The following MAN1C1 variants were observed in gnomAD, a reference collection of about 807,000 sequenced individuals.
The protein encoded by MAN1C1 is mannosyl-oligosaccharide 1,2-alpha-mannosidase IC.
MAN1C1 carries 49 observed loss-of-function variants against 71.5 expected under a neutral mutation model. That is an observed-to-expected ratio of 0.69 (90% confidence interval 0.54 to 0.87). The LOEUF is 0.87. Among genes scored for constraint, MAN1C1 ranks in the 40% least tolerant of loss-of-function variants. MAN1C1 has a pLI of 0.00. For missense variants in MAN1C1, 743 were observed against 835.0 expected (o/e 0.89, Z 1.36); for synonymous variants, 352 against 343.7 (o/e 1.02, Z -0.27).
chr1:25,692,924 T>C (rs747086260), intron 2 of MAN1C1, among the ~76,000 whole-genome samples: 17 of 152,154 alleles, frequency 1.1e-4, no homozygotes, highest in African/African-American at 3.4e-4. Flanking sequence ...TCTTCCACCA[T>C]AGGAACATCT....
intron 2 of MAN1C1, among the ~76,000 whole-genome samples, chr1:25,734,636 A>G (rs966324829): frequency 6.6e-6 from 1 of 152,142 alleles, no homozygotes; most frequent in African/African-American, 2.4e-5. Context: ...CACACCACAG[A>G]GGAATTGCCT....
intron 1 of MAN1C1, among the ~76,000 whole-genome samples, chr1:25,674,971 A>G (rs980893754): frequency 6.6e-6 from 1 of 152,176 alleles, no homozygotes; most frequent in Non-Finnish European, 1.5e-5. Context: ...GGTTTGGATT[A>G]GGGTGGTGCT....
chr1:25,677,296 T>G (rs996133973), intron 1 of MAN1C1, among the ~76,000 whole-genome samples: 1 of 152,074 alleles, frequency 6.6e-6, no homozygotes, highest in African/African-American at 2.4e-5. Context: ...AAGACTTGAG[T>G]GAAGGGAAGG....
chr1:25,622,242 A>G (rs2045226404), intron 1 of MAN1C1, among the ~76,000 whole-genome samples: 1 of 152,208 alleles, frequency 6.6e-6, no homozygotes, highest in Admixed American at 6.5e-5. Context: ...AAGCTGGGTC[A>G]AGTCCTAGCT....
chr1:25,633,713 C>T (rs923001743), intron 1 of MAN1C1, among the ~76,000 whole-genome samples: 13 of 152,094 alleles, frequency 8.5e-5, no homozygotes, highest in South Asian at 2.1e-4. Flanking sequence ...ATATTTGGTT[C>T]GTATTCTGCC....
In MAN1C1 at chr1:25,617,102, G is replaced by T. The variant is rs912593378; in HGVS notation, c.-696G>T. Among the ~76,000 whole-genome samples, 1 of 151,924 alleles carries T rather than the reference G, an allele frequency of 6.6e-6. No individual in the cohort carries two copies. The highest frequency in any genetic ancestry group is 6.5e-5 in the Admixed American group (1 of 15,274). On this transcript the variant is annotated 5_prime_UTR_variant, in exon 1 of 12. Transcript: ENST00000374332. This position sits in a 1 kb window ranked among gnomAD's most constrained non-coding sequence, Gnocchi z 5.1. ...GCATCCCTGCGCTGTCTGGGGCCCGGGGGAAGCCCCCTGCCCCCGCAGGCT... is the reference window on the plus strand; with the variant it reads ...GCATCCCTGCGCTGTCTGGGGCCCGTGGGAAGCCCCCTGCCCCCGCAGGCT...
Position 25,746,798 on chromosome 1 carries a change from CT to C in MAN1C1, c.753+16del. ...ACCTGAACGTGGTGAGTCAGAGGCC[CT>C]CGGCGGGGGAGGGGGGCGGGGGCCA... is the stretch of plus-strand genomic sequence containing the variant. On this transcript the variant is annotated intron_variant, in intron 3 of 11. Transcript: ENST00000374332. The surrounding 1 kb of genome is among the most constrained non-coding windows in gnomAD (Gnocchi z 4.0). The C allele has an allele frequency of 1.4e-6, 2 of 1,397,180 alleles. No homozygotes were observed. The highest frequency in any genetic ancestry group is 1.5e-5 in the African/African-American group (1 of 67,688). 86.5% of individuals were successfully genotyped at this position (1,397,180 alleles called of 1,614,324 possible).
At chr1:25,759,847 AAGG>A (rs1222454591) in intron 6 of MAN1C1, 1 of 150,972 alleles carries the variant, frequency 6.6e-6, no homozygotes, top group African/African-American at 2.5e-5. Context: ...TTTCTCTGAC[AAGG>A]AGCTCACTGC....
intron 1 of MAN1C1, among the ~76,000 whole-genome samples, chr1:25,655,536 A>G (rs2045751897): frequency 6.6e-6 from 1 of 152,168 alleles, no homozygotes. Context: ...GCACAAATGG[A>G]AAACTGTTCT....
intron 2 of MAN1C1, among the ~76,000 whole-genome samples, chr1:25,732,515 C>A (rs1157817222): frequency 6.6e-6 from 1 of 152,222 alleles, no homozygotes; most frequent in South Asian, 2.1e-4. Flanking sequence ...GAGGTGCTGT[C>A]TGTGGTGCGC....
intron 1 of MAN1C1, among the ~76,000 whole-genome samples, chr1:25,628,725 C>A (rs2045336576): frequency 6.6e-6 from 1 of 152,116 alleles, no homozygotes. Flanking sequence ...ATAGATTGTA[C>A]TCAGTATATA....
In MAN1C1 at chr1:25,746,595, A is replaced by G. The variant is rs879395933; in HGVS notation, c.638-73A>G. ...GCGCTGGCATTGGAGGGGCCCTGAG[A>G]ACGGTGGCTTGTCCAGTTGGGGAAA... On this transcript the variant is annotated intron_variant, in intron 2 of 11. Coordinates refer to ENST00000374332, the MANE Select transcript of MAN1C1 (RefSeq NM_020379.4). The surrounding 1 kb of genome is among the most constrained non-coding windows in gnomAD (Gnocchi z 4.0). 9 of 1,206,384 alleles carry G rather than the reference A, an allele frequency of 7.5e-6. No homozygotes were observed. The highest frequency in any genetic ancestry group is 1.1e-5 in the Non-Finnish European group (9 of 827,270). The allele number at this position is 1,206,384 out of a possible 1,614,324, so 74.7% of individuals were successfully genotyped here.
chr1:25,633,706 T>C (rs914841569), intron 1 of MAN1C1, among the ~76,000 whole-genome samples: 2 of 152,176 alleles, frequency 1.3e-5, no homozygotes, highest in African/African-American at 2.4e-5. Context: ...ACAGCAGATA[T>C]TTGGTTCGTA....
At chr1:25,741,647 C>T (rs2047065669) in intron 2 of MAN1C1, among the ~76,000 whole-genome samples, 1 of 152,034 alleles carries the variant, frequency 6.6e-6, no homozygotes, top group Admixed American at 6.5e-5. Context: ...GGTGGAGGTG[C>T]ACAGTGTAGG....
At chr1:25,715,786 G>A (rs1371738049) in intron 2 of MAN1C1, among the ~76,000 whole-genome samples, 3 of 152,200 alleles carry the variant, frequency 2.0e-5, no homozygotes, top group Admixed American at 2.0e-4. Context: ...ATCTTTCTCT[G>A]CTACTGTTCA....
At chr1:25,629,855 A>G (rs796847756) in intron 1 of MAN1C1, among the ~76,000 whole-genome samples, 58 of 151,410 alleles carry the variant, frequency 3.8e-4, no homozygotes, top group African/African-American at 1.3e-3. Context: ...TACTCTGATG[A>G]TTATTACTTT....
intron 1 of MAN1C1, among the ~76,000 whole-genome samples, chr1:25,663,984 A>C (rs757319865): frequency 1.3e-5 from 2 of 152,216 alleles, no homozygotes; most frequent in Admixed American, 6.5e-5. Flanking sequence ...AACATGACTT[A>C]GTTCTTCCTG....
intron 2 of MAN1C1, among the ~76,000 whole-genome samples, chr1:25,734,687 G>C (rs1467087249): frequency 6.6e-6 from 1 of 152,198 alleles, no homozygotes; most frequent in African/African-American, 2.4e-5. Context: ...TCCTCACATA[G>C]AGGCAGTGCA....
intron 7 of MAN1C1, among the ~76,000 whole-genome samples, chr1:25,767,196 A>G (rs1397007380): frequency 1.2e-5 from 1 of 86,638 alleles, no homozygotes; most frequent in African/African-American, 5.2e-5. Flanking sequence ...CCTCCCAGAC[A>G]CACACACATT....
Sources: gnomAD v4.1 joint callset for allele counts (sites outside exome capture counted in the v4.1 genomes callset) on GRCh38, gnomAD v4.1.1 for gene constraint, Gnocchi (gnomAD v3.1) non-coding constraint, MANE v1.5 for transcripts, NCBI Gene and HGNC (gene_info 2026-07-23, HGNC 2026-07-21) for gene names.